Variants in CNTN4 observed in about 807,000 individuals in gnomAD.
CNTN4 encodes the protein contactin-4.
Under a neutral mutation model 122.5 loss-of-function variants are expected in CNTN4, and 77 were observed. That is an observed-to-expected ratio of 0.63 (90% CI 0.52 to 0.76). The LOEUF (loss-of-function observed/expected upper bound fraction) is 0.76. Ranked by LOEUF, CNTN4 falls within the 30% of genes least tolerant of loss-of-function variation. The pLI is 0.00. For missense variants in CNTN4, 1,256 were observed against 1,259.1 expected (o/e 1.00, Z 0.04); for synonymous variants, 512 against 447.0 (o/e 1.15, Z -1.83).
intron 3 of CNTN4, among the ~76,000 whole-genome samples, chr3:2,430,621 A>G (rs957743259): frequency 6.6e-6 from 1 of 151,056 alleles, no homozygotes; most frequent in African/African-American, 2.4e-5. Flanking sequence ...ATTACCAAAA[A>G]AAAAAAAAAA....
chr3:2,606,305 A>AGG, intron 4 of CNTN4, among the ~76,000 whole-genome samples: 1 of 150,514 alleles, frequency 6.6e-6, no homozygotes, highest in East Asian at 1.9e-4. Context: ...TGACACAGGG[A>AGG]GGAGAACAAC....
At chr3:2,988,604 C>T (rs985001943) in intron 14 of CNTN4, 132 bp downstream of exon 14, 1 of 908,626 alleles carries the variant, frequency 1.1e-6, no homozygotes, top group South Asian at 1.4e-5. Flanking sequence ...TTCATCACGG[C>T]AAACATGATA....
chr3:2,347,273 G>A (rs2044431811), intron 3 of CNTN4, among the ~76,000 whole-genome samples: 1 of 152,096 alleles, frequency 6.6e-6, no homozygotes, highest in Admixed American at 6.6e-5. Context: ...GAATGTGAAG[G>A]CAAAATAAAG....
At chr3:2,551,252 G>C (rs568908658) in intron 3 of CNTN4, among the ~76,000 whole-genome samples, 1 of 152,094 alleles carries the variant, frequency 6.6e-6, no homozygotes, top group Non-Finnish European at 1.5e-5. Flanking sequence ...TTGAGAAATG[G>C]TATGGTTTTT....
At chr3:2,316,936 T>C (rs1575356044) in intron 2 of CNTN4, among the ~76,000 whole-genome samples, 1 of 152,140 alleles carries the variant, frequency 6.6e-6, no homozygotes, top group Non-Finnish European at 1.5e-5. Flanking sequence ...AGTGATCCCA[T>C]ATATTTCTTC....
chr3:2,557,499 G>A (rs570930948), intron 3 of CNTN4, among the ~76,000 whole-genome samples: 6 of 152,218 alleles, frequency 3.9e-5, no homozygotes, highest in East Asian at 3.9e-4. Context: ...AGGCCGAGGC[G>A]GGCAGATCAC....
At chr3:2,386,279 C>G (rs557069047) in intron 3 of CNTN4, among the ~76,000 whole-genome samples, 1 of 151,380 alleles carries the variant, frequency 6.6e-6, no homozygotes, top group Non-Finnish European at 1.5e-5. Context: ...CTCAAAATTG[C>G]ATTGCTGTCT....
At chr3:2,679,289 G>T (rs1007558081) in intron 4 of CNTN4, among the ~76,000 whole-genome samples, 1 of 152,068 alleles carries the variant, frequency 6.6e-6, no homozygotes, top group African/African-American at 2.4e-5. Flanking sequence ...TTAATTATTG[G>T]AATACCTTGA....
chr3:2,373,862 C>G (rs2045722443), intron 3 of CNTN4, among the ~76,000 whole-genome samples: 1 of 152,116 alleles, frequency 6.6e-6, no homozygotes, highest in Non-Finnish European at 1.5e-5. Flanking sequence ...AAAGTAGATG[C>G]AATTATTGGA....
In CNTN4 at chr3:2,720,619, A is replaced by C. The variant is rs141312700; in HGVS notation, c.56-15596A>C. 2.0e-5 allele frequency among the ~76,000 whole-genome samples: 3 copies of C among 152,320 alleles called. No homozygotes were observed. The East Asian group carries it at 5.8e-4, about 29-fold the overall frequency. Reference sequence around the variant, plus strand: ...TATTCCATCTAGACCACAGAAAGTCACATGTGTCTTCCTATCTATTAGATA... The same window carrying C: ...TATTCCATCTAGACCACAGAAAGTCCCATGTGTCTTCCTATCTATTAGATA... On this transcript the variant is annotated intron_variant, in intron 4 of 24. Coordinates refer to ENST00000418658, the MANE Select transcript of CNTN4 (RefSeq NM_175607.3).
At chr3:2,494,076 C>G (rs990768886) in intron 3 of CNTN4, among the ~76,000 whole-genome samples, 4 of 151,158 alleles carry the variant, frequency 2.6e-5, no homozygotes, top group African/African-American at 9.7e-5. Flanking sequence ...TTTATTTGAG[C>G]TATTATTATT....
intron 14 of CNTN4, among the ~76,000 whole-genome samples, chr3:2,989,269 G>A (rs1465269361): frequency 6.6e-6 from 1 of 152,128 alleles, no homozygotes; most frequent in Non-Finnish European, 1.5e-5. Context: ...GGCTCAGGTT[G>A]GTGGTTCTCT....
At chr3:2,914,344 GA>G (rs1271809287) in intron 12 of CNTN4, among the ~76,000 whole-genome samples, 1 of 151,786 alleles carries the variant, frequency 6.6e-6, no homozygotes, top group Non-Finnish European at 1.5e-5. Context: ...AAAATACTAG[GA>G]AAAAAATCAG....
At chr3:2,316,536 A>G (rs1045550331) in intron 2 of CNTN4, among the ~76,000 whole-genome samples, 12 of 152,116 alleles carry the variant, frequency 7.9e-5, no homozygotes, top group Admixed American at 1.3e-4. Flanking sequence ...TCTTAAGAGA[A>G]TCCTGCAAGA....
chr3:2,678,373 C>A (rs1333220281), intron 4 of CNTN4, among the ~76,000 whole-genome samples: 1 of 152,104 alleles, frequency 6.6e-6, no homozygotes, highest in Non-Finnish European at 1.5e-5. Flanking sequence ...ATTATAACTT[C>A]TCTTTTCAGT....
chr3:2,398,836 T>C (rs2046736549), intron 3 of CNTN4, among the ~76,000 whole-genome samples: 2 of 152,140 alleles, frequency 1.3e-5, no homozygotes. Flanking sequence ...GCTAACTTAT[T>C]TTGATCTCCT....
chr3:2,310,256 T>C (rs2042866316), intron 2 of CNTN4, among the ~76,000 whole-genome samples: 1 of 152,154 alleles, frequency 6.6e-6, no homozygotes, highest in Non-Finnish European at 1.5e-5. Flanking sequence ...CCTACTCTTA[T>C]AAACTTCAGT....
rs1203195993 is a variant in CNTN4, at chr3:3,043,062, A to T, written c.2597A>T (p.Asn866Ile). 6.2e-7 allele frequency: 1 copy of T among 1,614,188 alleles called. No individual in the cohort carries two copies. Among genetic ancestry groups the T allele is most frequent in the Non-Finnish European group, 8.5e-7 (1 of 1,180,018 alleles). Reference protein sequence around the residue: ...VGNQTSTKITNLKGSVLYHLA... With the variant: ...VGNQTSTKITILKGSVLYHLA... ...AATCAGACATCAACAAAAATCACGAACTTAAAAGGCAGTGTGCTGTATCAC... is the reference window on the plus strand; with the variant it reads ...AATCAGACATCAACAAAAATCACGATCTTAAAAGGCAGTGTGCTGTATCAC... The change falls in exon 22 of 25, where the codon AAC (asparagine) becomes ATC (isoleucine). Residue 866 changes from asparagine to isoleucine, a missense_variant. Physicochemically the swap from Asn to Ile is moderately radical, Grantham distance 149 (BLOSUM62 -3). Coordinates refer to ENST00000418658, the MANE Select transcript of CNTN4 (RefSeq NM_175607.3).
intron 4 of CNTN4, among the ~76,000 whole-genome samples, chr3:2,619,561 A>G (rs1050254951): frequency 2.0e-5 from 3 of 152,156 alleles, no homozygotes; most frequent in East Asian, 1.9e-4. Flanking sequence ...TGGCTGTTGG[A>G]TCATAATTGT....
Sources: allele counts gnomAD v4.1 joint callset (sites outside exome capture counted in the v4.1 genomes callset), GRCh38; gene constraint gnomAD v4.1.1; transcripts MANE v1.5; gene names NCBI Gene and HGNC (gene_info 2026-07-23, HGNC 2026-07-21).